The following LRP1B variants were observed in gnomAD, a reference collection of about 807,000 sequenced individuals.
LRP1B encodes the protein LDL receptor related protein 1B, also known as low-density lipoprotein receptor-related protein 1B.
In LRP1B, 217 loss-of-function variants were observed where a neutral mutation model predicts 556.6. The observed-to-expected ratio is 0.39, with a 90% CI of 0.35 to 0.44. The LOEUF (loss-of-function observed/expected upper bound fraction) is 0.44. LRP1B is among the 20% of genes least tolerant of loss of function. The probability of loss-of-function intolerance (pLI) is 1.00; values close to 1 mark genes in which losing one functional copy is unlikely to be tolerated. For missense variants in LRP1B, 5,053 were observed against 5,620.8 expected, an observed-to-expected ratio of 0.90 and a Z score of 3.23; for synonymous variants, 2,047 against 1,865.8, an observed-to-expected ratio of 1.10 and a Z score of -2.50.
chr2:141,844,725 A>G (rs748043077), intron 1 of LRP1B, among the ~76,000 whole-genome samples: 1 of 152,086 alleles, frequency 6.6e-6, no homozygotes, highest in Non-Finnish European at 1.5e-5. Flanking sequence ...ATATCATAGG[A>G]GAAAATTATT....
intron 83 of LRP1B, among the ~76,000 whole-genome samples, chr2:140,302,344 G>A (rs1391237346): frequency 6.6e-6 from 1 of 152,068 alleles, no homozygotes; most frequent in Non-Finnish European, 1.5e-5. Context: ...CTGGACAGTT[G>A]GTAAGTTCAT....
At chr2:140,947,740 C>T (rs1232425597) in intron 20 of LRP1B, among the ~76,000 whole-genome samples, 1 of 152,144 alleles carries the variant, frequency 6.6e-6, no homozygotes, top group Non-Finnish European at 1.5e-5. Context: ...CACAATTCCT[C>T]CACCTTGTAT....
intron 7 of LRP1B, among the ~76,000 whole-genome samples, chr2:141,118,911 G>A (rs1700973280): frequency 2.0e-5 from 3 of 151,718 alleles, no homozygotes. Context: ...AAGAAATACA[G>A]CAATGTCATT....
chr2:140,840,057 T>G lies in LRP1B; in HGVS notation c.5143A>C (p.Ile1715Leu), dbSNP rs1692050966. 1 of 1,611,652 alleles carries G rather than the reference T, an allele frequency of 6.2e-7. No homozygotes were observed. The highest frequency in any genetic ancestry group is 1.3e-5 in the African/African-American group (1 of 74,910). ...GKLYWTDGNTINMANMDGSNS... is the reference protein window; with the variant it reads ...GKLYWTDGNTLNMANMDGSNS... Reference sequence around the variant, plus strand: ...CTGCCATCCATATTTGCCATGTTAATTGTGTTTCCATCGGTCCAGTAGAGT... The same window carrying G: ...CTGCCATCCATATTTGCCATGTTAAGTGTGTTTCCATCGGTCCAGTAGAGT... The change falls in exon 31 of 91, where the codon ATT becomes CTT. Residue 1715 changes from isoleucine (I) to leucine (L), a missense_variant. This residue lies in a region of LRP1B where 3,619 missense variants were observed against 3,931.9 expected (regional missense o/e 0.92). Transcript: ENST00000389484.
intron 2 of LRP1B, among the ~76,000 whole-genome samples, chr2:141,546,474 C>T (rs982584597): frequency 5.9e-5 from 9 of 152,142 alleles, no homozygotes; most frequent in Admixed American, 1.3e-4. Flanking sequence ...CCCATCTTCT[C>T]GTCTCCTCTA....
intron 3 of LRP1B, among the ~76,000 whole-genome samples, chr2:141,397,325 A>G (rs2104917711): frequency 6.6e-6 from 1 of 151,956 alleles, no homozygotes; most frequent in Middle Eastern, 3.4e-3. Context: ...ATTATTATAT[A>G]GTACTGTGTA....
chr2:140,849,375 AAAAAAACAAAAAAC>A (rs70988448), intron 29 of LRP1B, among the ~76,000 whole-genome samples: 3 of 127,804 alleles, frequency 2.3e-5, no homozygotes, highest in East Asian at 2.0e-4. Flanking sequence ...CTGTCTCAAA[AAAAAAACAAAAAAC>A]AAAAAACAAA....
chr2:140,569,225 C>G (rs1349391969), intron 43 of LRP1B, among the ~76,000 whole-genome samples: 1 of 151,660 alleles, frequency 6.6e-6, no homozygotes, highest in Non-Finnish European at 1.5e-5. Context: ...TAATAATAAC[C>G]TCGAATGAAA....
At chr2:140,789,618 C>CT (rs756120273) in intron 32 of LRP1B, among the ~76,000 whole-genome samples, 1,519 of 71,718 alleles carry the variant, frequency 0.021, 346 homozygotes, top group East Asian at 0.04. Flanking sequence ...GCTTTAAGGA[C>CT]TTTTTTTTTT....
chr2:141,065,057 C>A (rs182430791), intron 7 of LRP1B, among the ~76,000 whole-genome samples: 138 of 151,878 alleles, frequency 9.1e-4, no homozygotes, highest in African/African-American at 3.3e-3. Context: ...TTTGCCGGAG[C>A]CATAAATGTC....
At chr2:141,740,863 G>T (rs569982879) in intron 2 of LRP1B, among the ~76,000 whole-genome samples, 102 of 152,112 alleles carry the variant, frequency 6.7e-4, no homozygotes, top group African/African-American at 2.0e-3. Flanking sequence ...GGATGTCCAT[G>T]TTTTTTTCCT....
At chr2:140,476,531 G>T (rs756808453) in intron 59 of LRP1B, among the ~76,000 whole-genome samples, 1 of 151,826 alleles carries the variant, frequency 6.6e-6, no homozygotes, top group Non-Finnish European at 1.5e-5. Context: ...TACTAAAAAG[G>T]AAAGAGTTTT....
chr2:141,581,672 C>T (rs925974248), intron 2 of LRP1B, among the ~76,000 whole-genome samples: 1 of 152,058 alleles, frequency 6.6e-6, no homozygotes, highest in Non-Finnish European at 1.5e-5. Flanking sequence ...ATGCTTCAAC[C>T]CTTCAAGGAG....
rs1573922732 is a variant in LRP1B, at chr2:140,425,152, T to C, written c.10414+17352A>G. Among the ~76,000 whole-genome samples, 3 of 152,008 alleles carry C rather than the reference T, an allele frequency of 2.0e-5. No homozygotes were observed. The South Asian group carries it at 6.3e-4, about 32-fold the overall frequency. ...TGATTGGTTTATCATTGCTCTCAAA[T>C]GTCTATAGACACTGTACCCCTATAT... On this transcript the variant is annotated intron_variant, in intron 66 of 90. Transcript: ENST00000389484.
At chr2:140,297,711 G>T (rs1437491574) in intron 84 of LRP1B, 97 bp downstream of exon 84, 1 of 1,342,294 alleles carries the variant, frequency 7.4e-7, no homozygotes, top group Non-Finnish European at 1.0e-6. Context: ...GAAAAATAGA[G>T]GATGGCTAAA....
intron 2 of LRP1B, among the ~76,000 whole-genome samples, chr2:141,669,188 G>T (rs1690568040): frequency 6.6e-6 from 1 of 151,846 alleles, no homozygotes; most frequent in Non-Finnish European, 1.5e-5. Context: ...AATTAAATGG[G>T]GTCACTAGGT....
intron 3 of LRP1B, among the ~76,000 whole-genome samples, chr2:141,336,174 T>C (rs1559013680): frequency 2.8e-5 from 4 of 144,114 alleles, no homozygotes; most frequent in Admixed American, 2.8e-4. Flanking sequence ...TGTGTGAGAG[T>C]GGAAATGGTA....
chr2:140,998,281 C>G (rs1697313034), intron 15 of LRP1B, among the ~76,000 whole-genome samples: 1 of 152,024 alleles, frequency 6.6e-6, no homozygotes, highest in Admixed American at 6.6e-5. Flanking sequence ...ATTTTTAGGC[C>G]ACTAAAGAAG....
chr2:141,971,853 A>G (rs1017044279), intron 1 of LRP1B, among the ~76,000 whole-genome samples: 14 of 151,492 alleles, frequency 9.2e-5, no homozygotes, highest in Non-Finnish European at 1.3e-4. Context: ...ACAATCTGTC[A>G]GTGTTGCTCA....
Sources: allele counts gnomAD v4.1 joint callset (sites outside exome capture counted in the v4.1 genomes callset), GRCh38; gene constraint gnomAD v4.1.1; regional missense constraint gnomAD v4.1.1; transcripts MANE v1.5; gene names NCBI Gene and HGNC (gene_info 2026-07-23, HGNC 2026-07-21).